Variants in BCL9 observed in about 807,000 individuals in gnomAD.
The protein encoded by BCL9 is BCL9 transcription coactivator, also known as B-cell CLL/lymphoma 9 protein.
Under a neutral mutation model 88.5 loss-of-function variants are expected in BCL9, and 25 were observed. That is an observed-to-expected ratio of 0.28 (90% CI 0.21 to 0.39). The LOEUF (loss-of-function observed/expected upper bound fraction) is 0.39. BCL9 is among the 10% of genes least tolerant of loss of function. The pLI is 1.00. For missense variants in BCL9, 1,817 were observed against 1,877.8 expected, an observed-to-expected ratio of 0.97 and a Z score of 0.60; for synonymous variants, 711 against 673.3, an observed-to-expected ratio of 1.06 and a Z score of -0.87.
chr1:147,570,020 T>G (rs923678340), intron 1 of BCL9, among the ~76,000 whole-genome samples: 7 of 152,228 alleles, frequency 4.6e-5, no homozygotes, highest in African/African-American at 1.4e-4. Context: ...TGGGACATCT[T>G]GATGGTGATG....
chr1:147,622,444 C>T lies in BCL9; in HGVS notation c.3076C>T (p.His1026Tyr). 6.2e-7 allele frequency: 1 copy of T among 1,614,140 alleles called. No individual in the cohort carries two copies. Among genetic ancestry groups the T allele is most frequent in the Non-Finnish European group, 8.5e-7 (1 of 1,180,026 alleles). Residue 1026 changes from histidine (H) to tyrosine (Y), a missense_variant, in exon 9 of 10, where the codon CAT becomes TAT. This residue lies in a region of BCL9 where 589 missense variants were observed against 686.2 expected (regional missense o/e 0.86). Transcript: ENST00000234739. ...AATGCCCAGTTCCACCCCGTTATAC[C>T]ATGATGCTATCAAGACTGTGGCCAG... is the stretch of plus-strand genomic sequence containing the variant. ...FAMPSSTPLY[H>Y]DAIKTVASSD...
At chr1:147,578,828 G>T (rs1210395199) in intron 1 of BCL9, among the ~76,000 whole-genome samples, 1 of 151,518 alleles carries the variant, frequency 6.6e-6, no homozygotes, top group African/African-American at 2.4e-5. Context: ...TAAGGGAAAG[G>T]TACCCAGACT....
rs781966229 is a variant in BCL9, at chr1:147,624,867, C to T, written c.4189C>T (p.Pro1397Ser). The change falls in exon 10 of 10, where the codon CCC becomes TCC. Residue 1397 changes from proline (P) to serine (S), a missense_variant. Physicochemically the swap from Pro to Ser is moderately conservative, Grantham distance 74 (BLOSUM62 -1). Coordinates refer to ENST00000234739, the MANE Select transcript of BCL9 (RefSeq NM_004326.4). This position sits in a 1 kb window ranked among gnomAD's most constrained non-coding sequence, Gnocchi z 4.4. Reference sequence around the variant, plus strand: ...GGGACCCCAACAGAACATCATGATCCCCCCACAGATGAGGCCCCGGGGCAT... The same window carrying T: ...GGGACCCCAACAGAACATCATGATCTCCCCACAGATGAGGCCCCGGGGCAT... Reference protein sequence around the residue: ...MMGPQQNIMIPPQMRPRGMAA... With the variant: ...MMGPQQNIMISPQMRPRGMAA... 3.1e-6 allele frequency: 5 copies of T among 1,613,828 alleles called. No homozygotes were observed. Among genetic ancestry groups the T allele is most frequent in the African/African-American group, 1.3e-5 (1 of 74,846 alleles).
At chr1:147,563,769 G>A (rs1412672132) in intron 1 of BCL9, among the ~76,000 whole-genome samples, 2 of 152,212 alleles carry the variant, frequency 1.3e-5, no homozygotes, top group Non-Finnish European at 2.9e-5. Flanking sequence ...AGAGTCAGCA[G>A]CACTTTAATA....
At chr1:147,578,988 C>A (rs1656233079) in intron 1 of BCL9, among the ~76,000 whole-genome samples, 2 of 152,066 alleles carry the variant, frequency 1.3e-5, no homozygotes, top group African/African-American at 4.8e-5. Flanking sequence ...GTCTCAGTCT[C>A]CCAAGCAGCT....
intron 3 of BCL9, among the ~76,000 whole-genome samples, chr1:147,608,074 T>C (rs1178028168): frequency 2.0e-5 from 3 of 152,084 alleles, no homozygotes; most frequent in African/African-American, 4.8e-5. Context: ...TGAGGTGTTA[T>C]GGAAACCAGG....
rs782258594 is a variant in BCL9, at chr1:147,620,050, T to G, written c.1895T>G (p.Phe632Cys). The G allele has an allele frequency of 1.1e-5, 17 of 1,614,010 alleles. No individual in the cohort carries two copies. In the South Asian group the frequency reaches 1.8e-4, roughly 17 times the overall value. Reference sequence around the variant, plus strand: ...CCCCAAGGATTGTCTGAAGAGATGTTTCAGCAGCAGCTGGCAGAGAAACAG... The same window carrying G: ...CCCCAAGGATTGTCTGAAGAGATGTGTCAGCAGCAGCTGGCAGAGAAACAG... ...PNPQGLSEEMFQQQLAEKQLG... is the reference protein window; with the variant it reads ...PNPQGLSEEMCQQQLAEKQLG... The change falls in exon 8 of 10, where the codon TTT becomes TGT. Residue 632 changes from phenylalanine to cysteine, a missense_variant. Physicochemically the swap from Phe to Cys is radical, Grantham distance 205 (BLOSUM62 -2). Transcript: ENST00000234739.
intron 7 of BCL9, among the ~76,000 whole-genome samples, 180 bp from the exon 8 acceptor site, chr1:147,618,635 TA>T (rs879959539): frequency 1.4e-5 from 2 of 147,534 alleles, no homozygotes; most frequent in Non-Finnish European, 3.0e-5. Flanking sequence ...ACAGTAAGTT[TA>T]AAAAAAAAAA....
chr1:147,586,372 GTTC>G (rs1656603002), intron 1 of BCL9, among the ~76,000 whole-genome samples: 2 of 152,120 alleles, frequency 1.3e-5, no homozygotes, highest in South Asian at 4.1e-4. Context: ...TCCATCCTAA[GTTC>G]TTCTGTCTGG....
At chr1:147,573,297 A>C (rs1197174008) in intron 1 of BCL9, among the ~76,000 whole-genome samples, 10 of 152,122 alleles carry the variant, frequency 6.6e-5, no homozygotes, top group Admixed American at 3.3e-4. Flanking sequence ...CTAAAAATAC[A>C]AAAAAATTAC....
At chr1:147,564,706 C>A (rs1553196474) in intron 1 of BCL9, among the ~76,000 whole-genome samples, 1 of 152,088 alleles carries the variant, frequency 6.6e-6, no homozygotes, top group African/African-American at 2.4e-5. Flanking sequence ...AGGGTCTATC[C>A]TTCTTTTTAG....
rs587772787 is a variant in BCL9 at position 147,566,612 on chromosome 1, C to T, written c.-478+24938C>T. On this transcript the variant is annotated intron_variant, in intron 1 of 9. Coordinates refer to ENST00000234739, the MANE Select transcript of BCL9 (RefSeq NM_004326.4). ...TCTACTAAAAATACAAAAAATTAGC[C>T]GGGCGTGGTGGCGGGCGCCTGTAGT... Among the ~76,000 whole-genome samples the T allele has an allele frequency of 1.6e-4, 25 of 151,906 alleles. 1 individual carries two copies. The South Asian group carries it at 2.9e-3, about 18-fold the overall frequency.
Position 147,556,284 on chromosome 1 carries a change from A to ATTT in BCL9, c.-478+14620_-478+14622dup, listed in dbSNP as rs113247802. On this transcript the variant is annotated intron_variant, in intron 1 of 9. Transcript: ENST00000234739. Reference sequence around the variant, plus strand: ...CAGGAGCCCGCCACCACTCCTGACTATTTTTTTTTTTTGTATCTTTTAGTA... The same window carrying ATTT: ...CAGGAGCCCGCCACCACTCCTGACTATTTTTTTTTTTTTTTGTATCTTTTAGTA... Among the ~76,000 whole-genome samples the ATTT allele has an allele frequency of 2.5e-3, 351 of 143,190 alleles. 4 individuals carry two copies. Among genetic ancestry groups the ATTT allele is most frequent in the African/African-American group, 8.5e-3 (331 of 39,134 alleles). 93.9% of individuals were successfully genotyped at this position (143,190 alleles called of 152,430 possible).
At chr1:147,568,288 CA>C (rs1655703056) in intron 1 of BCL9, among the ~76,000 whole-genome samples, 1 of 152,152 alleles carries the variant, frequency 6.6e-6, no homozygotes, top group Non-Finnish European at 1.5e-5. Context: ...TAAAATCTAA[CA>C]GCAAAATCTT....
chr1:147,575,143 C>T (rs1656053645), intron 1 of BCL9, among the ~76,000 whole-genome samples: 1 of 152,126 alleles, frequency 6.6e-6, no homozygotes, highest in Admixed American at 6.5e-5. Flanking sequence ...CTTCAAAAAG[C>T]CCTCTGAGGC....
chr1:147,622,748 T>G (rs1018842248), intron 9 of BCL9, among the ~76,000 whole-genome samples: 5 of 152,226 alleles, frequency 3.3e-5, no homozygotes, highest in Admixed American at 2.6e-4. Flanking sequence ...GAAAGCAGGT[T>G]TCTTTATAGT....
intron 7 of BCL9, 91 bp downstream of exon 7, chr1:147,615,993 G>C: frequency 8.0e-7 from 1 of 1,256,236 alleles, no homozygotes; most frequent in Non-Finnish European, 1.1e-6. Flanking sequence ...TAGGAAGGTA[G>C]TCTTGATGGC....
At chr1:147,569,446 T>A (rs1453775754) in intron 1 of BCL9, among the ~76,000 whole-genome samples, 1 of 133,828 alleles carries the variant, frequency 7.5e-6, no homozygotes, top group Non-Finnish European at 1.6e-5. Flanking sequence ...CTGGGCAACA[T>A]GGTGAAACCC....
intron 1 of BCL9, among the ~76,000 whole-genome samples, chr1:147,542,288 G>A (rs963308638): frequency 8.5e-5 from 13 of 152,218 alleles, no homozygotes; most frequent in Non-Finnish European, 1.9e-4. Flanking sequence ...GGGAGAGCAA[G>A]AGAACTCTGC....
Sources: allele counts gnomAD v4.1 joint callset (sites outside exome capture counted in the v4.1 genomes callset), GRCh38; gene constraint gnomAD v4.1.1; regional missense constraint gnomAD v4.1.1; non-coding constraint Gnocchi (gnomAD v3.1); transcripts MANE v1.5; gene names NCBI Gene and HGNC (gene_info 2026-07-23, HGNC 2026-07-21).